The following PRDM9 variants were observed in gnomAD, a reference collection of about 807,000 sequenced individuals.
The protein encoded by PRDM9 is histone-lysine N-methyltransferase PRDM9.
In PRDM9, 47 loss-of-function variants were observed where a neutral mutation model predicts 55.6. The observed-to-expected ratio is 0.85, with a 90% CI of 0.67 to 1.08. PRDM9 has a LOEUF of 1.08. Among genes scored for constraint, PRDM9 ranks in the 50% least tolerant of loss-of-function variants. PRDM9 has a pLI of 0.00. For synonymous variants in PRDM9, 312 were observed against 375.7 expected, an observed-to-expected ratio of 0.83 and a Z score of 1.96; for missense variants, 867 against 1,040.3, an observed-to-expected ratio of 0.83 and a Z score of 2.29.
intron 5 of PRDM9, 103 bp from the exon 6 acceptor site, chr5:23,520,920 G>A (rs1739314666): frequency 5.2e-6 from 7 of 1,346,572 alleles, no homozygotes; most frequent in East Asian, 4.8e-5. Context: ...GTATTTTCAA[G>A]GTTTGAACAT....
intron 4 of PRDM9, among the ~76,000 whole-genome samples, chr5:23,517,171 A>T (rs1229022219): frequency 1.9e-3 from 268 of 143,662 alleles, no homozygotes; most frequent in African/African-American, 6.6e-3. Flanking sequence ...AAAAAAAAAA[A>T]GGTTGGGGGG....
rs1351737802 is a variant in PRDM9 at position 23,522,812 on chromosome 5, G to A, written c.809G>A (p.Gly270Asp). The A allele has an allele frequency of 6.2e-7, 1 of 1,614,112 alleles. No homozygotes were observed. Among genetic ancestry groups the A allele is most frequent in the African/African-American group, 1.3e-5 (1 of 74,944 alleles). Residue 270 changes from glycine (G) to aspartate (D), a missense_variant, in exon 8 of 11, where the codon GGT becomes GAT. Coordinates refer to ENST00000296682, the MANE Select transcript of PRDM9 (RefSeq NM_020227.4). Reference sequence around the variant, plus strand: ...AATGAGGCATCTGATCTGCCGCTGGGTCTGCACTTTGGCCCTTATGAGGGC... The same window carrying A: ...AATGAGGCATCTGATCTGCCGCTGGATCTGCACTTTGGCCCTTATGAGGGC... ...VWNEASDLPL[G>D]LHFGPYEGRI...
chr5:23,520,055 A>AT (rs1345128694), intron 5 of PRDM9, among the ~76,000 whole-genome samples: 2 of 146,504 alleles, frequency 1.4e-5, no homozygotes, highest in South Asian at 4.4e-4. Flanking sequence ...AAAAAATAAA[A>AT]AAAAAAAAGA....
At position 23,526,945 on chromosome 5, in the gene PRDM9, G is replaced by A. The variant is rs1739462400; in HGVS notation, c.1857G>A (p.Arg619=). ...VCRECGRGFS[R]QSVLLTHQRR... is the part of the protein sequence containing the mutation. ...GGGAGTGTGGGCGGGGCTTTAGCCGGCAGTCAGTCCTCCTCACTCACCAGA... is the reference window on the plus strand; with the variant it reads ...GGGAGTGTGGGCGGGGCTTTAGCCGACAGTCAGTCCTCCTCACTCACCAGA... The change falls in exon 11 of 11, where the codon CGG becomes CGA. Residue 619 remains arginine, a synonymous_variant. Coordinates refer to ENST00000296682, the MANE Select transcript of PRDM9 (RefSeq NM_020227.4). The A allele has an allele frequency of 6.6e-7, 1 of 1,525,588 alleles. No homozygotes were observed. Among genetic ancestry groups the A allele is most frequent in the Non-Finnish European group, 8.9e-7 (1 of 1,120,890 alleles). The allele number at this position is 1,525,588 out of a possible 1,614,324, so 94.5% of individuals were successfully genotyped here.
chr5:23,508,948 A>G lies in PRDM9; in HGVS notation c.-84-2A>G. 2 of 1,505,558 alleles carry G rather than the reference A, an allele frequency of 1.3e-6. No homozygotes were observed. Among genetic ancestry groups the G allele is most frequent in the Non-Finnish European group, 1.8e-6 (2 of 1,094,248 alleles). 93.3% of individuals were successfully genotyped at this position (1,505,558 alleles called of 1,614,324 possible). A position where few individuals can be genotyped will look rare whatever the true frequency, so the allele number is the denominator to read the frequency against. On this transcript the variant is annotated splice_acceptor_variant, in intron 1 of 10. Coordinates refer to ENST00000296682, the MANE Select transcript of PRDM9 (RefSeq NM_020227.4). LOFTEE classifies it low-confidence loss of function (5UTR_SPLICE). The stretch of plus-strand genomic sequence containing the variant: ...CCCTCTCAGCACCTTCTCCTTCCAC[A>G]GGAGCCTTTGGCCTAGGAGCTGGGA...
intron 3 of PRDM9, 88 bp downstream of exon 3, chr5:23,509,681 A>T: frequency 3.1e-6 from 5 of 1,600,702 alleles, no homozygotes; most frequent in Non-Finnish European, 4.3e-6. Flanking sequence ...AGGTGGTGGC[A>T]TCTGCCCACA....
chr5:23,522,964 T>C (rs918257154), intron 8 of PRDM9, 79 bp downstream of exon 8: 140 of 1,606,186 alleles, frequency 8.7e-5, no homozygotes, highest in South Asian at 3.5e-4. Context: ...ATCTTCTACA[T>C]GTTAGTATAT....
Position 23,510,028 on chromosome 5 carries a change from G to A in PRDM9, c.301+1G>A, listed in dbSNP as rs1171674446. On this transcript the variant is annotated splice_donor_variant, in intron 4 of 10. Coordinates refer to ENST00000296682, the MANE Select transcript of PRDM9 (RefSeq NM_020227.4). LOFTEE classifies it high-confidence loss of function. ...GAAGAATGGACCCCTAGGCAGCAAG[G>A]TAAGAGGGAAGGGAAGTAGGATTTT... 1 of 1,564,762 alleles carries A rather than the reference G, an allele frequency of 6.4e-7. No individual in the cohort carries two copies. The highest frequency in any genetic ancestry group is 1.1e-5 in the South Asian group (1 of 90,208).
intron 10 of PRDM9, among the ~76,000 whole-genome samples, chr5:23,524,879 A>G (rs1739402739): frequency 6.6e-6 from 1 of 152,172 alleles, no homozygotes; most frequent in Non-Finnish European, 1.5e-5. Context: ...AATGATATGC[A>G]TGTGTTGTTA....
intron 4 of PRDM9, among the ~76,000 whole-genome samples, chr5:23,514,984 A>G (rs1346127258): frequency 2.1e-5 from 3 of 144,734 alleles, no homozygotes; most frequent in African/African-American, 7.7e-5. Context: ...TTTTTTTGAG[A>G]CAGAGTTTCG....
Position 23,522,677 on chromosome 5 carries a change from T to C in PRDM9, c.674T>C (p.Val225Ala). Reference protein sequence around the residue: ...SCAAHGPPTFVKDSAVDKGHP... With the variant: ...SCAAHGPPTFAKDSAVDKGHP... ...GCTGCCCATGGGCCCCCTACATTTG[T>C]AAAGGACAGTGCAGTGGACAAGGGG... The change falls in exon 8 of 11, where the codon GTA (valine) becomes GCA (alanine). Residue 225 changes from valine (V) to alanine (A), a missense_variant. This residue lies in a region of PRDM9 where 662 missense variants were observed against 711.9 expected (regional missense o/e 0.93). Transcript: ENST00000296682. 6.2e-7 allele frequency: 1 copy of C among 1,614,178 alleles called. No individual in the cohort carries two copies. The highest frequency in any genetic ancestry group is 8.5e-7 in the Non-Finnish European group (1 of 1,180,028).
In PRDM9 at chr5:23,526,607, G is replaced by A. The variant is rs1339894500; in HGVS notation, c.1519G>A (p.Gly507Arg). The A allele has an allele frequency of 6.2e-7, 1 of 1,614,100 alleles. No homozygotes were observed. The highest frequency in any genetic ancestry group is 8.5e-7 in the Non-Finnish European group (1 of 1,180,054). ...ESRTGQKVNP[G>R]NTGKLFVGVG... Reference sequence around the variant, plus strand: ...CAGAACAGGCCAGAAAGTGAATCCAGGGAACACAGGCAAATTATTTGTGGG... The same window carrying A: ...CAGAACAGGCCAGAAAGTGAATCCAAGGAACACAGGCAAATTATTTGTGGG... Residue 507 changes from glycine (G) to arginine (R), a missense_variant, in exon 11 of 11, where the codon GGG (glycine) becomes AGG (arginine). Around this residue, in one of 5 missense-constraint regions of PRDM9, gnomAD observed 662 missense variants for 711.9 expected, o/e 0.93. Coordinates refer to ENST00000296682, the MANE Select transcript of PRDM9 (RefSeq NM_020227.4).
In PRDM9 at chr5:23,521,182, A is replaced by G. The variant is rs780407201; in HGVS notation, c.508+3A>G. ...ACAGCACTCAAGACTAAAACTGGGT[A>G]AGAAAAAATATTTGCGGGGACTTTA... On this transcript the variant is annotated splice_donor_region_variant and intron_variant, in intron 6 of 10. Transcript: ENST00000296682. 2 of 1,612,776 alleles carry G rather than the reference A, an allele frequency of 1.2e-6. No homozygotes were observed. Among genetic ancestry groups the G allele is most frequent in the East Asian group, 4.5e-5 (2 of 44,872 alleles).
chr5:23,524,679 T>C, intron 10 of PRDM9, 152 bp downstream of exon 10: 1 of 1,116,796 alleles, frequency 9.0e-7, no homozygotes. Flanking sequence ...TCATGTTATA[T>C]ACCTTTGCCT....
chr5:23,523,079 A>G (rs1739366301), intron 8 of PRDM9, among the ~76,000 whole-genome samples, 194 bp downstream of exon 8: 1 of 152,214 alleles, frequency 6.6e-6, no homozygotes, highest in Non-Finnish European at 1.5e-5. Context: ...TGGTACAAAG[A>G]CAAAGAAGTG....
At position 23,522,838 on chromosome 5, in the gene PRDM9, C is replaced by A; in HGVS notation, c.835C>A (p.Arg279=). 6.2e-7 allele frequency: 1 copy of A among 1,614,196 alleles called. No homozygotes were observed. The highest frequency in any genetic ancestry group is 8.5e-7 in the Non-Finnish European group (1 of 1,180,038). ...TCTGCACTTTGGCCCTTATGAGGGC[C>A]GAATTACAGAAGACGAAGAGGCAGC... ...LGLHFGPYEG[R]ITEDEEAANN... The change falls in exon 8 of 11, where the codon CGA becomes AGA. Residue 279 remains arginine, a synonymous_variant. Coordinates refer to ENST00000296682, the MANE Select transcript of PRDM9 (RefSeq NM_020227.4).
chr5:23,515,206 C>T (rs1739184102), intron 4 of PRDM9, among the ~76,000 whole-genome samples: 1 of 152,018 alleles, frequency 6.6e-6, no homozygotes, highest in Admixed American at 6.6e-5. Flanking sequence ...CTCAAGTGAT[C>T]CATCTGCCTC....
intron 4 of PRDM9, among the ~76,000 whole-genome samples, chr5:23,510,569 G>T (rs1416601250): frequency 6.6e-6 from 1 of 151,740 alleles, no homozygotes; most frequent in East Asian, 2.0e-4. Context: ...TGTTGGCCAG[G>T]CTGGTCTCAA....
chr5:23,516,069 G>C (rs1739203799), intron 4 of PRDM9, among the ~76,000 whole-genome samples: 1 of 152,164 alleles, frequency 6.6e-6, no homozygotes, highest in African/African-American at 2.4e-5. Flanking sequence ...TTTTGATAGA[G>C]ATGGCATTGA....
Sources: allele counts gnomAD v4.1 joint callset (sites outside exome capture counted in the v4.1 genomes callset), GRCh38; gene constraint gnomAD v4.1.1; regional missense constraint gnomAD v4.1.1; transcripts MANE v1.5; gene names NCBI Gene and HGNC (gene_info 2026-07-23, HGNC 2026-07-21).